Variants in PTPRG observed in about 807,000 individuals in gnomAD.
PTPRG encodes the protein protein tyrosine phosphatase receptor type G.
In PTPRG, 102 loss-of-function variants were observed where a neutral mutation model predicts 165.3. The ratio of observed to expected loss-of-function variants is 0.62; its 90% CI spans 0.53 to 0.73. PTPRG has a LOEUF of 0.73. PTPRG is among the 30% of genes least tolerant of loss of function. PTPRG has a pLI of 0.00. For missense variants in PTPRG, 1,866 were observed against 1,861.4 expected (o/e 1.00, Z -0.05); for synonymous variants, 675 against 669.5 (o/e 1.01, Z -0.13).
intron 2 of PTPRG, among the ~76,000 whole-genome samples, chr3:61,782,643 A>G (rs1310024175): frequency 6.6e-6 from 1 of 152,240 alleles, no homozygotes; most frequent in Non-Finnish European, 1.5e-5. Context: ...GAGTGCTCTG[A>G]TGAAACAAGG....
At chr3:61,562,706 C>G (rs1699794182) in intron 1 of PTPRG, among the ~76,000 whole-genome samples, 1 of 151,836 alleles carries the variant, frequency 6.6e-6, no homozygotes, top group Admixed American at 6.6e-5. Context: ...ATCGGGAGAA[C>G]TCGAGTTGTG....
At chr3:61,992,033 A>G (rs2040905553) in intron 3 of PTPRG, among the ~76,000 whole-genome samples, 1 of 152,238 alleles carries the variant, frequency 6.6e-6, no homozygotes, top group South Asian at 2.1e-4. Context: ...CTATCCAAAT[A>G]CGAAGCCATC....
intron 1 of PTPRG, among the ~76,000 whole-genome samples, chr3:61,647,600 C>A (rs1475856296): frequency 1.3e-5 from 2 of 152,018 alleles, no homozygotes; most frequent in Non-Finnish European, 2.9e-5. Context: ...ACCATCCTGG[C>A]TAACACAGTG....
At chr3:62,246,222 T>C (rs1243792753) in intron 15 of PTPRG, among the ~76,000 whole-genome samples, 1 of 152,168 alleles carries the variant, frequency 6.6e-6, no homozygotes, top group Non-Finnish European at 1.5e-5. Context: ...TGTAACACGT[T>C]TGTAAAGATG....
At chr3:61,667,108 G>C (rs910831570) in intron 1 of PTPRG, among the ~76,000 whole-genome samples, 1 of 152,136 alleles carries the variant, frequency 6.6e-6, no homozygotes, top group Non-Finnish European at 1.5e-5. Flanking sequence ...TTTAGGATGG[G>C]CTTGGAAACA....
chr3:61,800,980 G>A (rs1163920618), intron 2 of PTPRG, among the ~76,000 whole-genome samples: 1 of 152,120 alleles, frequency 6.6e-6, no homozygotes, highest in Non-Finnish European at 1.5e-5. Context: ...AAGAAGAAAG[G>A]TGGAAGGAAG....
intron 1 of PTPRG, among the ~76,000 whole-genome samples, chr3:61,736,501 C>G (rs1016084762): frequency 8.6e-5 from 13 of 151,660 alleles, no homozygotes; most frequent in Admixed American, 7.2e-4. Flanking sequence ...TGTGAACAAT[C>G]CTAATTCAGA....
At chr3:62,080,106 T>C (rs1361350878) in intron 5 of PTPRG, among the ~76,000 whole-genome samples, 1 of 150,134 alleles carries the variant, frequency 6.7e-6, no homozygotes, top group Non-Finnish European at 1.5e-5. Context: ...GCTCTTGTTA[T>C]GCCCAGGCTG....
At position 62,195,583 on chromosome 3, in the gene PTPRG, C is replaced by G. The variant is rs188181753; in HGVS notation, c.1327+413C>G. Among the ~76,000 whole-genome samples, 1 of 152,092 alleles carries G rather than the reference C, an allele frequency of 6.6e-6. No homozygotes were observed. Among genetic ancestry groups the G allele is most frequent in the South Asian group, 2.1e-4 (1 of 4,814 alleles). ...CCATAGCAGCTACACCTCACCCTTC[C>G]GACTTGCAAGCCACACAAACAAGCG... is the stretch of plus-strand genomic sequence containing the variant. On this transcript the variant is annotated intron_variant, in intron 10 of 29. Transcript: ENST00000474889. This position sits in a 1 kb window ranked among gnomAD's most constrained non-coding sequence, Gnocchi z 4.4.
chr3:61,805,874 A>G (rs899142458), intron 2 of PTPRG, among the ~76,000 whole-genome samples: 5 of 152,144 alleles, frequency 3.3e-5, no homozygotes, highest in Non-Finnish European at 5.9e-5. Context: ...GGGCAGGGAG[A>G]TGGATTTACA....
At chr3:62,168,975 G>C (rs4461413) in intron 8 of PTPRG, among the ~76,000 whole-genome samples, 58,327 of 151,826 alleles carry the variant, frequency 0.38, 12,050 homozygotes, top group African/African-American at 0.54. Flanking sequence ...CATTCGGTGG[G>C]CAGTCTCCTC....
chr3:61,748,961 G>A lies in PTPRG; in HGVS notation c.169G>A (p.Asp57Asn), dbSNP rs753443145. 36 of 1,611,226 alleles carry A rather than the reference G, an allele frequency of 2.2e-5. No homozygotes were observed. Among genetic ancestry groups the A allele is most frequent in the Non-Finnish European group, 3.0e-5 (35 of 1,178,794 alleles). Residue 57 changes from aspartate to asparagine, a missense_variant, in exon 2 of 30, where the codon GAC becomes AAC. Asp to Asn is a conservative substitution (Grantham distance 23). Coordinates refer to ENST00000474889, the MANE Select transcript of PTPRG (RefSeq NM_002841.4). Reference sequence around the variant, plus strand: ...GATCCGCAGGCGCAAGGCTTCAGGCGACCCGTACTGGGCCTACTCTGGTAA... The same window carrying A: ...GATCCGCAGGCGCAAGGCTTCAGGCAACCCGTACTGGGCCTACTCTGGTAA... The part of the protein sequence containing the change: ...VQIRRRKASG[D>N]PYWAYSGAYG...
intron 1 of PTPRG, among the ~76,000 whole-genome samples, chr3:61,584,275 T>C (rs1700380296): frequency 6.6e-6 from 1 of 152,176 alleles, no homozygotes; most frequent in Admixed American, 6.5e-5. Flanking sequence ...GAGTCTATAA[T>C]GGTAAGAGGC....
At chr3:61,837,680 G>C (rs2036510388) in intron 2 of PTPRG, among the ~76,000 whole-genome samples, 1 of 152,210 alleles carries the variant, frequency 6.6e-6, no homozygotes, top group Admixed American at 6.5e-5. Context: ...TTTTTCACTT[G>C]AGGGTGCTTT....
chr3:62,022,760 A>G (rs1259696714), intron 4 of PTPRG, among the ~76,000 whole-genome samples: 1 of 152,208 alleles, frequency 6.6e-6, no homozygotes, highest in African/African-American at 2.4e-5. Flanking sequence ...ACAGCTTAAG[A>G]TAACAAACCT....
At chr3:62,108,187 C>G (rs943710268) in intron 5 of PTPRG, among the ~76,000 whole-genome samples, 1 of 151,696 alleles carries the variant, frequency 6.6e-6, no homozygotes, top group African/African-American at 2.4e-5. Context: ...CAATGTTATC[C>G]CTCCCCCAGC....
At chr3:62,177,789 A>G (rs1379987673) in intron 8 of PTPRG, among the ~76,000 whole-genome samples, 1 of 152,150 alleles carries the variant, frequency 6.6e-6, no homozygotes, top group Non-Finnish European at 1.5e-5. Context: ...CCCTTCCCCA[A>G]GGAAGTTTCC....
At position 62,254,599 on chromosome 3, in the gene PTPRG, T is replaced by C. The variant is rs761477280; in HGVS notation, c.2468-525T>C. On this transcript the variant is annotated intron_variant, in intron 15 of 29. Transcript: ENST00000474889. This position sits in a 1 kb window ranked among gnomAD's most constrained non-coding sequence, Gnocchi z 4.6. The stretch of plus-strand genomic sequence containing the variant: ...TTTGAACACTTAAAGATAGATGGCA[T>C]TGTACCCAGAGCCAGCTGGTACAAT... 6.6e-6 allele frequency among the ~76,000 whole-genome samples: 1 copy of C among 152,176 alleles called. No homozygotes were observed. The highest frequency in any genetic ancestry group is 1.5e-5 in the Non-Finnish European group (1 of 68,026).
rs570568873 is a variant in PTPRG, at chr3:62,162,648, A to G, written c.841-5323A>G. 2.6e-5 allele frequency among the ~76,000 whole-genome samples: 4 copies of G among 151,848 alleles called. No homozygotes were observed. The South Asian group carries it at 8.3e-4, about 32-fold the overall frequency. On this transcript the variant is annotated intron_variant, in intron 7 of 29. Coordinates refer to ENST00000474889, the MANE Select transcript of PTPRG (RefSeq NM_002841.4). The stretch of plus-strand genomic sequence containing the variant: ...AGAGTGCAGAAGGATGAAGATAGAT[A>G]GATGTATGTTGCTGATGCAGGGTGC...
Sources: gnomAD v4.1 joint callset for allele counts (sites outside exome capture counted in the v4.1 genomes callset) on GRCh38, gnomAD v4.1.1 for gene constraint, Gnocchi (gnomAD v3.1) non-coding constraint, MANE v1.5 for transcripts, NCBI Gene and HGNC (gene_info 2026-07-23, HGNC 2026-07-21) for gene names.